The following RARS1 variants were observed in gnomAD, a reference collection of about 807,000 sequenced individuals.
RARS1 encodes arginine--tRNA ligase, cytoplasmic.
In RARS1, 75 loss-of-function variants were observed where a neutral mutation model predicts 78.7. That is an observed-to-expected ratio of 0.95 (90% CI 0.79 to 1.15). RARS1 has a LOEUF of 1.15. Among genes scored for constraint, RARS1 ranks in the 50% most tolerant of loss-of-function variants. The pLI is 0.00. For synonymous variants in RARS1, 273 were observed against 268.2 expected (o/e 1.02, Z -0.18); for missense variants, 787 against 787.5 (o/e 1.00, Z 0.01).
chr5:168,499,376 G>T (rs970183586), intron 7 of RARS1, among the ~76,000 whole-genome samples: 7 of 151,982 alleles, frequency 4.6e-5, no homozygotes, highest in Admixed American at 6.6e-5. Context: ...ATTTCCTCTC[G>T]GATATTTTGA....
intron 2 of RARS1, among the ~76,000 whole-genome samples, chr5:168,489,800 C>A (rs1758044861): frequency 6.6e-6 from 1 of 150,834 alleles, no homozygotes; most frequent in Non-Finnish European, 1.5e-5. Flanking sequence ...CCCATGACAT[C>A]TCTCATATTA....
Position 168,492,665 on chromosome 5 carries a change from C to T in RARS1, c.187C>T (p.Gln63Ter). Residue 63 changes from glutamine to a stop codon, truncating the protein, a stop_gained, in exon 3 of 15, where the codon CAG becomes TAG. Transcript: ENST00000231572. LOFTEE classifies it high-confidence loss of function. ...TTCCATTCTTTTCCTACAGAGTCTT[C>T]AGGCAGAAAGGAACAAACCAACTAA... ...YRLNILRKSL[Q>*]AERNKPTKNM... 6.3e-7 allele frequency: 1 copy of T among 1,592,372 alleles called. No homozygotes were observed. The highest frequency in any genetic ancestry group is 8.6e-7 in the Non-Finnish European group (1 of 1,161,708).
At chr5:168,501,552 A>T (rs566438616) in intron 8 of RARS1, among the ~76,000 whole-genome samples, 1 of 152,156 alleles carries the variant, frequency 6.6e-6, no homozygotes, top group Non-Finnish European at 1.5e-5. Context: ...GTGAAACCCC[A>T]TCTCTACTAA....
chr5:168,490,773 CA>C (rs1739086210), intron 2 of RARS1, among the ~76,000 whole-genome samples: 1 of 152,140 alleles, frequency 6.6e-6, no homozygotes, highest in South Asian at 2.1e-4. Flanking sequence ...CAAAACTAAG[CA>C]CAGTAGATTT....
chr5:168,514,950 G>C (rs990711550), intron 12 of RARS1, among the ~76,000 whole-genome samples: 1 of 151,970 alleles, frequency 6.6e-6, no homozygotes, highest in East Asian at 1.9e-4. Context: ...TGTTAATTCT[G>C]TTTCCAGGTT....
intron 12 of RARS1, among the ~76,000 whole-genome samples, chr5:168,514,570 TA>T (rs1238701465): frequency 6.6e-6 from 1 of 152,216 alleles, no homozygotes; most frequent in Admixed American, 6.5e-5. Flanking sequence ...GTTTTAGACA[TA>T]AAAAAGTTGC....
chr5:168,499,814 A>T (rs1389747869), intron 7 of RARS1, among the ~76,000 whole-genome samples: 1 of 152,234 alleles, frequency 6.6e-6, no homozygotes, highest in Non-Finnish European at 1.5e-5. Context: ...TCAAGGTGAG[A>T]TTAATTATTT....
chr5:168,511,230 A>AG (rs1561827180), intron 12 of RARS1, among the ~76,000 whole-genome samples: 2 of 150,616 alleles, frequency 1.3e-5, no homozygotes, highest in Non-Finnish European at 2.9e-5. Flanking sequence ...AGAGCAGTAG[A>AG]GGAGAGGTCA....
intron 9 of RARS1, among the ~76,000 whole-genome samples, chr5:168,505,350 T>C (rs892458717): frequency 6.6e-6 from 1 of 152,216 alleles, no homozygotes; most frequent in Non-Finnish European, 1.5e-5. Context: ...GTCTTTTTTA[T>C]CATGAGTGTA....
intron 9 of RARS1, 90 bp downstream of exon 9, chr5:168,502,195 C>A: frequency 6.7e-7 from 1 of 1,485,232 alleles, no homozygotes; most frequent in Non-Finnish European, 8.9e-7. Flanking sequence ...GCTTCATGTA[C>A]TCATCATCCA....
At position 168,488,709 on chromosome 5, in the gene RARS1, A is replaced by T. The variant is rs1561818319; in HGVS notation, c.153A>T (p.Leu51Phe). 6.2e-7 allele frequency: 1 copy of T among 1,610,900 alleles called. No homozygotes were observed. The highest frequency in any genetic ancestry group is 8.5e-7 in the Non-Finnish European group (1 of 1,179,170). Reference sequence around the variant, plus strand: ...AGTTACAAGAAGAAAATTTAAAATTAAAGTATCGACTGAATATTCTTCGAA... The same window carrying T: ...AGTTACAAGAAGAAAATTTAAAATTTAAGTATCGACTGAATATTCTTCGAA... The part of the protein sequence containing the change: ...LEQLQEENLK[L>F]KYRLNILRKS... Residue 51 changes from leucine to phenylalanine, a missense_variant, in exon 2 of 15, where the codon TTA (leucine) becomes TTT (phenylalanine). By Grantham distance (22) the Leu-to-Phe change is conservative. Transcript: ENST00000231572.
chr5:168,507,912 G>T (rs1758482119), intron 11 of RARS1, among the ~76,000 whole-genome samples: 1 of 151,844 alleles, frequency 6.6e-6, no homozygotes, highest in African/African-American at 2.4e-5. Context: ...AGGCATAGTG[G>T]CATGCACCTG....
At chr5:168,512,564 G>A (rs1039549979) in intron 12 of RARS1, among the ~76,000 whole-genome samples, 9 of 152,120 alleles carry the variant, frequency 5.9e-5, no homozygotes, top group Non-Finnish European at 1.3e-4. Flanking sequence ...TAACTTACAC[G>A]ATAACAAGGT....
chr5:168,494,331 G>A (rs1758140066), intron 4 of RARS1: 1 of 985,300 alleles, frequency 1.0e-6, no homozygotes, highest in South Asian at 4.7e-5. Context: ...GAAAGTGAAA[G>A]GGCCCTGAGT....
chr5:168,511,246 A>G (rs1345988036), intron 12 of RARS1, among the ~76,000 whole-genome samples: 1 of 150,776 alleles, frequency 6.6e-6, no homozygotes, highest in Non-Finnish European at 1.5e-5. Flanking sequence ...GGTCATGCAT[A>G]CCTGAGACTG....
At chr5:168,491,042 C>T (rs1441750611) in intron 2 of RARS1, among the ~76,000 whole-genome samples, 1 of 152,170 alleles carries the variant, frequency 6.6e-6, no homozygotes, top group Non-Finnish European at 1.5e-5. Flanking sequence ...GAGGCTGAGG[C>T]ATGAGAATCA....
At chr5:168,502,221 G>T (rs1758341474) in intron 9 of RARS1, 116 bp downstream of exon 9, 40 of 1,400,664 alleles carry the variant, frequency 2.9e-5, no homozygotes, top group Non-Finnish European at 3.3e-5. Flanking sequence ...AACAGTTATG[G>T]GTACTGACCA....
At chr5:168,508,837 C>T (rs1296754391) in intron 11 of RARS1, among the ~76,000 whole-genome samples, 2 of 151,930 alleles carry the variant, frequency 1.3e-5, no homozygotes, top group Non-Finnish European at 2.9e-5. Flanking sequence ...GGATGCTCCA[C>T]AATGTGTATA....
intron 1 of RARS1, among the ~76,000 whole-genome samples, chr5:168,487,034 T>C (rs1388048831): frequency 6.6e-6 from 1 of 152,014 alleles, no homozygotes; most frequent in Non-Finnish European, 1.5e-5. Flanking sequence ...CTCTGTGCCC[T>C]CAGCATTCGT....
Sources: gnomAD v4.1 joint callset for allele counts (sites outside exome capture counted in the v4.1 genomes callset) on GRCh38, gnomAD v4.1.1 for gene constraint, MANE v1.5 for transcripts, NCBI Gene and HGNC (gene_info 2026-07-23, HGNC 2026-07-21) for gene names.